The following MCMDC2 variants were observed in gnomAD, a reference collection of about 807,000 sequenced individuals.
The protein encoded by MCMDC2 is minichromosome maintenance domain containing 2, also known as minichromosome maintenance domain-containing protein 2.
In MCMDC2, 54 loss-of-function variants were observed where a neutral mutation model predicts 75.8. That is an observed-to-expected ratio of 0.71 (90% CI 0.57 to 0.89). The LOEUF is 0.89. MCMDC2 is among the 40% of genes least tolerant of loss of function. MCMDC2 has a pLI of 0.00. For synonymous variants in MCMDC2, 249 were observed against 274.6 expected (o/e 0.91, Z 0.92); for missense variants, 656 against 780.4 (o/e 0.84, Z 1.90).
intron 1 of MCMDC2, among the ~76,000 whole-genome samples, chr8:66,873,275 A>G (rs1451652739): frequency 2.0e-5 from 3 of 152,134 alleles, no homozygotes; most frequent in Non-Finnish European, 4.4e-5. Context: ...CTGATACAAC[A>G]CTTTCCTTTC....
At chr8:66,880,660 T>G (rs927211944) in intron 7 of MCMDC2, among the ~76,000 whole-genome samples, 189 bp from the exon 8 acceptor site, 1 of 152,166 alleles carries the variant, frequency 6.6e-6, no homozygotes, top group Non-Finnish European at 1.5e-5. Context: ...GAATAAAAAT[T>G]TATCAGCAAT....
At position 66,874,074 on chromosome 8, in the gene MCMDC2, G is replaced by A; in HGVS notation, c.-67G>A. 9.2e-7 allele frequency: 1 copy of A among 1,082,322 alleles called. No individual in the cohort carries two copies. Among genetic ancestry groups the A allele is most frequent in the Non-Finnish European group, 1.3e-6 (1 of 760,846 alleles). The allele number at this position is 1,082,322 out of a possible 1,614,324, so 67.0% of individuals were successfully genotyped here. On this transcript the variant is annotated 5_prime_UTR_variant, in exon 2 of 15. Transcript: ENST00000422365. The stretch of plus-strand genomic sequence containing the variant: ...CTAGGTTTTCACATCCTTTCTATGA[G>A]TTTCGCCATCTATAGCTTTTATCAA...
At chr8:66,889,369 C>T (rs1004835316) in intron 9 of MCMDC2, among the ~76,000 whole-genome samples, 1 of 152,126 alleles carries the variant, frequency 6.6e-6, no homozygotes, top group African/African-American at 2.4e-5. Context: ...GTGCCTCATG[C>T]CTGTAGTTCC....
intron 7 of MCMDC2, among the ~76,000 whole-genome samples, chr8:66,879,492 C>G (rs1374492070): frequency 6.6e-6 from 1 of 151,332 alleles, no homozygotes; most frequent in Admixed American, 6.6e-5. Context: ...ACTCGGGAGG[C>G]TGAGGCAGGA....
rs1313822347 is a variant in MCMDC2, at chr8:66,920,847, A to AT, written c.*1684dup. The AT allele has an allele frequency of 6.6e-6, 1 of 152,010 alleles. No individual in the cohort carries two copies. Among genetic ancestry groups the AT allele is most frequent in the Non-Finnish European group, 1.5e-5 (1 of 68,022 alleles). The allele number at this position is 152,010 out of a possible 1,614,324, so 9.4% of individuals were successfully genotyped here. On this transcript the variant is annotated 3_prime_UTR_variant, in exon 15 of 15. Transcript: ENST00000422365. The stretch of plus-strand genomic sequence containing the variant: ...GCTACCACCCTGGGATAACTTCTGC[A>AT]TTTTTTGTAGAGATGGAATTTTGCC...
At chr8:66,876,823 C>T (rs1338271756) in intron 4 of MCMDC2, among the ~76,000 whole-genome samples, 10 of 152,064 alleles carry the variant, frequency 6.6e-5, no homozygotes, top group East Asian at 5.8e-4. Context: ...TGCAGTGGCG[C>T]GACCTCGGCT....
In MCMDC2 at chr8:66,921,863, C is replaced by A. The variant is rs1266850622; in HGVS notation, c.*2694C>A. On this transcript the variant is annotated 3_prime_UTR_variant, in exon 15 of 15. Coordinates refer to ENST00000422365, the MANE Select transcript of MCMDC2 (RefSeq NM_173518.5). ...CACCCATAAATAAGCTAATTATTGACAAGATTATAATCTTTCGAATATGTT... is the reference window on the plus strand; with the variant it reads ...CACCCATAAATAAGCTAATTATTGAAAAGATTATAATCTTTCGAATATGTT... 6.6e-6 allele frequency: 1 copy of A among 152,152 alleles called. No homozygotes were observed. Among genetic ancestry groups the A allele is most frequent in the Non-Finnish European group, 1.5e-5 (1 of 68,044 alleles). The allele number at this position is 152,152 out of a possible 1,614,324, so 9.4% of individuals were successfully genotyped here.
downstream of MCMDC2, among the ~76,000 whole-genome samples, chr8:66,925,748 G>C (rs529477426): frequency 6.6e-6 from 1 of 152,312 alleles, no homozygotes; most frequent in South Asian, 2.1e-4. Context: ...GTTTATGTGG[G>C]GGCTTTGTGA....
chr8:66,876,950 A>C (rs968730439), intron 4 of MCMDC2, among the ~76,000 whole-genome samples: 10 of 151,926 alleles, frequency 6.6e-5, no homozygotes, highest in East Asian at 1.9e-4. Flanking sequence ...TTAGTAGAGA[A>C]GGGGTTTCAC....
chr8:66,899,767 A>G (rs1324876412), intron 12 of MCMDC2, among the ~76,000 whole-genome samples: 2 of 150,358 alleles, frequency 1.3e-5, no homozygotes, highest in African/African-American at 4.9e-5. Context: ...AAGTGCTGGG[A>G]TTACAGGTGT....
chr8:66,874,446 T>C lies in MCMDC2; in HGVS notation c.215T>C (p.Val72Ala), dbSNP rs1316573771. ...ILHQPLKAAE[V>A]FQSVCFIAVK... Reference sequence around the variant, plus strand: ...CACCAACCTTTAAAAGCTGCTGAAGTCTTTCAATCAGTAAGTCAAAAAAAG... The same window carrying C: ...CACCAACCTTTAAAAGCTGCTGAAGCCTTTCAATCAGTAAGTCAAAAAAAG... The change falls in exon 3 of 15, where the codon GTC (valine) becomes GCC (alanine). Residue 72 changes from valine (V) to alanine (A), a missense_variant. Transcript: ENST00000422365. The C allele has an allele frequency of 6.2e-7, 1 of 1,612,902 alleles. No individual in the cohort carries two copies.
At chr8:66,922,802 CAAG>C, downstream of MCMDC2, 2 of 253,386 alleles carry the variant, frequency 7.9e-6, no homozygotes, top group Non-Finnish European at 1.6e-5. Flanking sequence ...AGGAATGGTC[CAAG>C]AAGAGAATCT....
rs1812920983 is a variant in MCMDC2 at position 66,906,816 on chromosome 8, G to T, written c.1879+1481G>T. ...TTTGAGATGGAGTTTCACTCTTGTT[G>T]CCCAGGCTGGAGTGCAATGGCATGA... On this transcript the variant is annotated intron_variant, in intron 14 of 14. Transcript: ENST00000422365. 3.3e-5 allele frequency among the ~76,000 whole-genome samples: 5 copies of T among 150,198 alleles called. No individual in the cohort carries two copies. In the Admixed American group the frequency reaches 3.3e-4, roughly 10 times the overall value.
rs181355694 is a variant in MCMDC2 at position 66,877,151 on chromosome 8, A to G, written c.286-198A>G. Among the ~76,000 whole-genome samples the G allele has an allele frequency of 3.9e-5, 6 of 152,260 alleles. No homozygotes were observed. In the East Asian group the frequency reaches 1.2e-3, roughly 29 times the overall value. Reference sequence around the variant, plus strand: ...ATTTAAAGTTCATAATGCTATTTTCAATTAAAATATTAGATTACAGGATTT... The same window carrying G: ...ATTTAAAGTTCATAATGCTATTTTCGATTAAAATATTAGATTACAGGATTT... On this transcript the variant is annotated intron_variant, in intron 4 of 14. Coordinates refer to ENST00000422365, the MANE Select transcript of MCMDC2 (RefSeq NM_173518.5).
rs911426050 is a variant in MCMDC2, at chr8:66,920,680, G to C, written c.*1511G>C. 7 of 152,026 alleles carry C rather than the reference G, an allele frequency of 4.6e-5. No homozygotes were observed. In the East Asian group the frequency reaches 1.2e-3, roughly 25 times the overall value. The allele number at this position is 152,026 out of a possible 1,614,324, so 9.4% of individuals were successfully genotyped here. On this transcript the variant is annotated 3_prime_UTR_variant, in exon 15 of 15. Transcript: ENST00000422365. ...TAAAACTAGGATCCTTTTACAATTG[G>C]AAAGTTTAAAAACTTTTTTTTTTGG...
intron 12 of MCMDC2, among the ~76,000 whole-genome samples, chr8:66,899,079 T>A (rs1056243928): frequency 6.6e-6 from 1 of 152,252 alleles, no homozygotes; most frequent in Non-Finnish European, 1.5e-5. Context: ...AAGATAAATC[T>A]GTCTATTACA....
chr8:66,871,803 G>A (rs780946799), intron 1 of MCMDC2, among the ~76,000 whole-genome samples: 4 of 151,802 alleles, frequency 2.6e-5, no homozygotes, highest in Non-Finnish European at 5.9e-5. Context: ...CCCAGGCTGA[G>A]AAGGGAGGAT....
At chr8:66,899,975 CAAAAG>C (rs1812571245) in intron 12 of MCMDC2, among the ~76,000 whole-genome samples, 1 of 145,624 alleles carries the variant, frequency 6.9e-6, no homozygotes, top group South Asian at 2.2e-4. Context: ...CAAAAAAAAA[CAAAAG>C]AAAAAATTAG....
chr8:66,877,463 G>A lies in MCMDC2; in HGVS notation c.400G>A (p.Val134Met), dbSNP rs1260737253. The A allele has an allele frequency of 6.2e-7, 1 of 1,613,210 alleles. No homozygotes were observed. The highest frequency in any genetic ancestry group is 8.5e-7 in the Non-Finnish European group (1 of 1,179,608). ...SQRFYMMQGI[V>M]IAMTTITKYT... ...GAGATTTTATATGATGCAAGGAATT[G>A]TGATTGCAATGACAACTATAACCAA... Residue 134 changes from valine (V) to methionine (M), a missense_variant, in exon 5 of 15, where the codon GTG (valine) becomes ATG (methionine). Transcript: ENST00000422365.
Sources: gnomAD v4.1 joint callset for allele counts (sites outside exome capture counted in the v4.1 genomes callset) on GRCh38, gnomAD v4.1.1 for gene constraint, MANE v1.5 for transcripts, NCBI Gene and HGNC (gene_info 2026-07-23, HGNC 2026-07-21) for gene names.